Variants in ARID1B observed in about 807,000 individuals in gnomAD.
ARID1B encodes AT-rich interaction domain 1B.
Under a neutral mutation model 212.3 loss-of-function variants are expected in ARID1B, and 30 were observed. The ratio of observed to expected loss-of-function variants is 0.14; its 90% CI spans 0.11 to 0.19. The LOEUF (loss-of-function observed/expected upper bound fraction) is 0.19. Among genes scored for constraint, ARID1B ranks in the 10% least tolerant of loss-of-function variants. The pLI is 1.00. For synonymous variants in ARID1B, 1,402 were observed against 1,301.7 expected, an observed-to-expected ratio of 1.08 and a Z score of -1.66; for missense variants, 2,891 against 3,204.0, an observed-to-expected ratio of 0.90 and a Z score of 2.36.
chr6:156,812,341 C>G (rs894816905), intron 1 of ARID1B, among the ~76,000 whole-genome samples: 2 of 152,028 alleles, frequency 1.3e-5, no homozygotes, highest in African/African-American at 4.8e-5. Context: ...AGGCTGATTT[C>G]TTTTTTTAAT....
chr6:157,055,872 C>G (rs923502542), intron 4 of ARID1B, among the ~76,000 whole-genome samples: 1 of 152,100 alleles, frequency 6.6e-6, no homozygotes, highest in South Asian at 2.1e-4. Context: ...ACCATCATGC[C>G]GCATGCTAAC....
At chr6:157,138,763 GCTT>G (rs530695426) in intron 7 of ARID1B, among the ~76,000 whole-genome samples, 118 of 152,308 alleles carry the variant, frequency 7.7e-4, no homozygotes, top group African/African-American at 2.7e-3. Flanking sequence ...TAAGGCCACA[GCTT>G]CTTCTTATCT....
chr6:157,177,331 AG>A (rs1792162514), intron 11 of ARID1B, among the ~76,000 whole-genome samples: 1 of 152,228 alleles, frequency 6.6e-6, no homozygotes, highest in Non-Finnish European at 1.5e-5. Flanking sequence ...AGTATAATGA[AG>A]AACCTAACAT....
intron 5 of ARID1B, among the ~76,000 whole-genome samples, chr6:157,087,224 A>G (rs1343401618): frequency 6.6e-6 from 1 of 152,330 alleles, no homozygotes; most frequent in Non-Finnish European, 1.5e-5. Context: ...GCAAAGCTAC[A>G]TGGGGTTAGA....
intron 5 of ARID1B, among the ~76,000 whole-genome samples, chr6:157,102,659 C>T (rs1159264007): frequency 8.1e-6 from 1 of 123,886 alleles, no homozygotes; most frequent in African/African-American, 3.1e-5. Context: ...GTCACCCAGG[C>T]TGGAGTACAG....
intron 6 of ARID1B, among the ~76,000 whole-genome samples, chr6:157,122,023 A>T (rs1163327057): frequency 6.6e-6 from 1 of 152,164 alleles, no homozygotes; most frequent in Non-Finnish European, 1.5e-5. Context: ...TGGAAAACTC[A>T]CTTATCTAAG....
chr6:157,151,459 A>T, intron 8 of ARID1B: 1 of 152,246 alleles, frequency 6.6e-6, no homozygotes, highest in Middle Eastern at 3.2e-3. Context: ...AGCGAGTATC[A>T]GAATATTGAA....
intron 6 of ARID1B, among the ~76,000 whole-genome samples, chr6:157,127,585 T>C (rs543093942): frequency 7.3e-5 from 11 of 150,482 alleles, no homozygotes; most frequent in Admixed American, 6.0e-4. Flanking sequence ...TCCTGGCTAA[T>C]ATGGTGAAAC....
At chr6:157,034,735 T>C (rs2128502868) in intron 4 of ARID1B, among the ~76,000 whole-genome samples, 1 of 152,338 alleles carries the variant, frequency 6.6e-6, no homozygotes, top group African/African-American at 2.4e-5. Context: ...ATTCCCTTTG[T>C]ATTAAATTGA....
rs536057563 is a variant in ARID1B at position 157,131,683 on chromosome 6, A to ATGTTT, written c.2582-1324_2582-1320dup. Among the ~76,000 whole-genome samples the ATGTTT allele has an allele frequency of 3.5e-3, 538 of 151,910 alleles. 2 individuals carry two copies. Among genetic ancestry groups the ATGTTT allele is most frequent in the African/African-American group, 0.011 (451 of 41,428 alleles). On this transcript the variant is annotated intron_variant, in intron 6 of 19. Transcript: ENST00000636930. ...CTAGCGCCAGTGGGAAGCCTTGATG[A>ATGTTT]TGTTTTGTTTTGTTTTGTTTTGTTT...
rs61315445 is a variant in ARID1B, at chr6:156,804,867, C to CAAAAAA, written c.1792-24343_1792-24338dup. 4.5e-4 allele frequency among the ~76,000 whole-genome samples: 38 copies of CAAAAAA among 85,084 alleles called. 1 individual carries two copies. Among genetic ancestry groups the CAAAAAA allele is most frequent in the African/African-American group, 1.1e-3 (26 of 23,032 alleles). The allele number at this position is 85,084 out of a possible 152,430, so 55.8% of individuals were successfully genotyped here. ...ACTAAGAGAGATGTGATCTGATTGGCAAAAAAAAAAAAAAAAAAAAAAGAA... is the reference window on the plus strand; with the variant it reads ...ACTAAGAGAGATGTGATCTGATTGGCAAAAAAAAAAAAAAAAAAAAAAAAAAAAGAA... On this transcript the variant is annotated intron_variant, in intron 1 of 19. Coordinates refer to ENST00000636930, the MANE Select transcript of ARID1B (RefSeq NM_001374828.1).
chr6:156,898,566 G>C (rs1162810553), intron 2 of ARID1B, among the ~76,000 whole-genome samples: 3 of 152,186 alleles, frequency 2.0e-5, no homozygotes, highest in Non-Finnish European at 4.4e-5. Flanking sequence ...GCAGGCTGTT[G>C]ATTTGTGTTT....
At chr6:157,062,282 C>T (rs1474884408) in intron 4 of ARID1B, among the ~76,000 whole-genome samples, 1 of 151,948 alleles carries the variant, frequency 6.6e-6, no homozygotes, top group Non-Finnish European at 1.5e-5. Context: ...CTGCAGCCTC[C>T]AACTGCTGGG....
At chr6:156,813,111 T>A (rs202100988) in intron 1 of ARID1B, among the ~76,000 whole-genome samples, 6,064 of 121,374 alleles carry the variant, frequency 0.05, 386 homozygotes, top group Admixed American at 0.2. Context: ...TATATATATT[T>A]TTTTTTTTTT....
At chr6:156,902,903 T>C (rs920229231) in intron 3 of ARID1B, among the ~76,000 whole-genome samples, 3 of 152,140 alleles carry the variant, frequency 2.0e-5, no homozygotes, top group Non-Finnish European at 4.4e-5. Flanking sequence ...TATCTGGAGT[T>C]TTGATAAAGT....
intron 4 of ARID1B, among the ~76,000 whole-genome samples, chr6:157,033,537 A>G (rs186084585): frequency 1.3e-4 from 20 of 152,348 alleles, no homozygotes; most frequent in African/African-American, 4.8e-4. Context: ...AAGTACGGCC[A>G]GTTTTACTTC....
chr6:156,909,282 C>T (rs1789675091), intron 3 of ARID1B, among the ~76,000 whole-genome samples: 1 of 151,964 alleles, frequency 6.6e-6, no homozygotes, highest in South Asian at 2.1e-4. Context: ...TGCACCTCCA[C>T]ACCTGGCTAA....
intron 2 of ARID1B, among the ~76,000 whole-genome samples, chr6:156,846,991 C>G (rs1234212015): frequency 6.6e-6 from 1 of 152,026 alleles, no homozygotes; most frequent in Non-Finnish European, 1.5e-5. Context: ...TTTTTTTGAC[C>G]TTTCTTATCT....
chr6:157,184,576 A>G (rs1177311517), intron 13 of ARID1B, 141 bp downstream of exon 13: 3 of 958,264 alleles, frequency 3.1e-6, no homozygotes, highest in East Asian at 5.3e-5. Context: ...CGTTTTGTTT[A>G]TTTAATTGGA....
Sources: allele counts gnomAD v4.1 joint callset (sites outside exome capture counted in the v4.1 genomes callset), GRCh38; gene constraint gnomAD v4.1.1; transcripts MANE v1.5; gene names NCBI Gene and HGNC (gene_info 2026-07-23, HGNC 2026-07-21).